The following HGS variants were observed in gnomAD, a reference collection of about 807,000 sequenced individuals.
The protein encoded by HGS is human growth factor-regulated tyrosine kinase substrate.
A neutral mutation model predicts 109.7 loss-of-function variants in HGS; 63 were observed. That is an observed-to-expected ratio of 0.57 (90% CI 0.47 to 0.71). The LOEUF (loss-of-function observed/expected upper bound fraction) is 0.71, where lower values mean the gene tolerates loss of function less well. Among genes scored for constraint, HGS ranks in the 30% least tolerant of loss-of-function variants. The pLI, the probability that HGS is intolerant of heterozygous loss-of-function variation, is 0.00. For missense variants in HGS, 995 were observed against 1,068.3 expected (o/e 0.93, Z 0.96); for synonymous variants, 546 against 437.3 (o/e 1.25, Z -3.10).
At chr17:81,692,329 G>C (rs1383367148) in intron 8 of HGS, 1 of 152,266 alleles carries the variant, frequency 6.6e-6, no homozygotes. Flanking sequence ...ATTTCTGGGA[G>C]GTCAGGCCGT....
Position 81,695,780 on chromosome 17 carries a change from C to G in HGS, c.1180-6C>G, listed in dbSNP as rs201943246. On this transcript the variant is annotated splice_polypyrimidine_tract_variant and splice_region_variant and intron_variant, in intron 14 of 21. Transcript: ENST00000329138. ...GCACTCATCCAGAACCCTGCTCTGC[C>G]TGCAGCCACAGTTCCACAATGGCGA... The G allele has an allele frequency of 2.7e-5, 44 of 1,613,150 alleles. 1 individual carries two copies. The highest frequency in any genetic ancestry group is 1.8e-4 in the South Asian group (16 of 91,078).
intron 18 of HGS, among the ~76,000 whole-genome samples, chr17:81,698,868 A>C (rs1003376326): frequency 1.2e-4 from 18 of 152,172 alleles, no homozygotes; most frequent in African/African-American, 4.1e-4. Flanking sequence ...CAGGAGTTGG[A>C]GACTGGCCTG....
chr17:81,693,509 G>A lies in HGS; in HGVS notation c.669G>A (p.Ala223=), dbSNP rs145996243. 134 of 1,612,804 alleles carry A rather than the reference G, an allele frequency of 8.3e-5. No homozygotes were observed. In the African/African-American group the frequency reaches 1.5e-3, roughly 18 times the overall value. The change falls in exon 9 of 22, where the codon GCG becomes GCA. Residue 223 remains alanine (A), a synonymous_variant. Coordinates refer to ENST00000329138, the MANE Select transcript of HGS (RefSeq NM_004712.5). ...GCATTCCTTGTGCCCACAGGAAAGC[G>A]GAGGGAAAGGCCACTTCCACCACTG... ...EPCYEQLNRK[A]EGKATSTTEL...
Position 81,688,661 on chromosome 17 carries a change from C to T in HGS, c.292-43C>T, listed in dbSNP as rs61156089. On this transcript the variant is annotated intron_variant, in intron 4 of 21. Coordinates refer to ENST00000329138, the MANE Select transcript of HGS (RefSeq NM_004712.5). Reference sequence around the variant, plus strand: ...TTCCTCACACCGAGGCCTCTGGCGCCTGGAGTGTCCTGCGACCCTCACCCC... The same window carrying T: ...TTCCTCACACCGAGGCCTCTGGCGCTTGGAGTGTCCTGCGACCCTCACCCC... The T allele has an allele frequency of 1.2e-4, 193 of 1,609,502 alleles. No homozygotes were observed. The African/African-American group carries it at 2.2e-3, about 18-fold the overall frequency.
chr17:81,699,135 T>C (rs77634210), intron 18 of HGS, among the ~76,000 whole-genome samples: 2,704 of 152,316 alleles, frequency 0.018, 30 homozygotes, highest in Non-Finnish European at 0.024. Flanking sequence ...ACAGTTTTCT[T>C]TTGCATTGTT....
chr17:81,687,696 G>T (rs138673719), intron 4 of HGS, among the ~76,000 whole-genome samples: 1 of 152,244 alleles, frequency 6.6e-6, no homozygotes, highest in East Asian at 1.9e-4. Flanking sequence ...CTGTGATGTG[G>T]ACTGTGATGC....
chr17:81,701,867 C>T lies in HGS; in HGVS notation c.*249C>T, dbSNP rs7189. 54,537 of 477,658 alleles carry T rather than the reference C, an allele frequency of 0.11. 3,548 individuals are homozygous for T. The highest frequency in any genetic ancestry group is 0.14 in the Middle Eastern group (336 of 2,336). The allele number at this position is 477,658 out of a possible 1,614,324, so 29.6% of individuals were successfully genotyped here. A position where few individuals can be genotyped will look rare whatever the true frequency, so the allele number is the denominator to read the frequency against. ...GAAGGACTTTCTCCCAGGGGAAGCC[C>T]CCAGCCCTGTGGGTCATGGTCTGTG... On this transcript the variant is annotated 3_prime_UTR_variant, in exon 22 of 22. Coordinates refer to ENST00000329138, the MANE Select transcript of HGS (RefSeq NM_004712.5).
At chr17:81,689,812 C>T (rs1158162086) in intron 5 of HGS, among the ~76,000 whole-genome samples, 3 of 152,192 alleles carry the variant, frequency 2.0e-5, no homozygotes, top group African/African-American at 7.2e-5. Flanking sequence ...TGGATTTTTT[C>T]TGGGGTCGTG....
chr17:81,685,023 C>T (rs555288159), intron 1 of HGS: 28 of 985,380 alleles, frequency 2.8e-5, no homozygotes, highest in Admixed American at 6.1e-5. Context: ...GCTGCCCCCC[C>T]AGAGGGGCCA....
chr17:81,693,474 G>C (rs777006312), intron 8 of HGS, 29 bp from the exon 9 acceptor site: 1 of 1,583,544 alleles, frequency 6.3e-7, no homozygotes, highest in Admixed American at 1.7e-5. Flanking sequence ...TCAGCGCATG[G>C]TGACCTGCAG....
Position 81,691,695 on chromosome 17 carries a change from G to A in HGS, c.662+124G>A. The stretch of plus-strand genomic sequence containing the variant: ...AGAGGACCCTCACAGCACAGCAGCT[G>A]GAAGGTCAAGGGAAACCCAGGGTGG... On this transcript the variant is annotated intron_variant, in intron 8 of 21. Coordinates refer to ENST00000329138, the MANE Select transcript of HGS (RefSeq NM_004712.5). The surrounding 1 kb of genome is among the most constrained non-coding windows in gnomAD (Gnocchi z 5.3). 7.7e-7 allele frequency: 1 copy of A among 1,297,838 alleles called. No homozygotes were observed. The highest frequency in any genetic ancestry group is 1.1e-6 in the Non-Finnish European group (1 of 924,882). 80.4% of individuals were successfully genotyped at this position (1,297,838 alleles called of 1,614,324 possible). A position where few individuals can be genotyped will look rare whatever the true frequency, so the allele number is the denominator to read the frequency against.
In HGS at chr17:81,696,729, C is replaced by A. The variant is rs1177388501; in HGVS notation, c.1689C>A (p.Phe563Leu). Residue 563 changes from phenylalanine (F) to leucine (L), a missense_variant, in exon 17 of 22, where the codon TTC (phenylalanine) becomes TTA (leucine). Coordinates refer to ENST00000329138, the MANE Select transcript of HGS (RefSeq NM_004712.5). Reference protein sequence around the residue: ...TVQMRAQMPAFPLPYAQLQAM... With the variant: ...TVQMRAQMPALPLPYAQLQAM... ...AGATGCGCGCGCAGATGCCCGCCTT[C>A]CCCCTGCCCTACGCCCAGGCATGTG... 6.2e-7 allele frequency: 1 copy of A among 1,607,138 alleles called. No homozygotes were observed. The highest frequency in any genetic ancestry group is 1.3e-5 in the African/African-American group (1 of 74,870).
chr17:81,693,399 CTG>C, intron 8 of HGS, 102 bp from the exon 9 acceptor site: 1 of 821,922 alleles, frequency 1.2e-6, no homozygotes, highest in East Asian at 2.4e-5. Flanking sequence ...TGTCCTCACT[CTG>C]TGGGGACACT....
intron 1 of HGS, 62 bp downstream of exon 1, chr17:81,684,165 G>C (rs2036930572): frequency 2.1e-6 from 3 of 1,397,808 alleles, no homozygotes; most frequent in Non-Finnish European, 2.8e-6. Context: ...CCGGCGCTGA[G>C]TCAGCGCGGC....
In HGS at chr17:81,694,863, A is replaced by G. The variant is rs1310992033; in HGVS notation, c.975+10A>G. 6.2e-7 allele frequency: 1 copy of G among 1,614,228 alleles called. No individual in the cohort carries two copies. On this transcript the variant is annotated intron_variant, in intron 12 of 21. Transcript: ENST00000329138. The stretch of plus-strand genomic sequence containing the variant: ...GGACATCGACCCTGAGGTAAGGCCC[A>G]GCATGGGGTGCATCCTCTCACGGTT...
rs755988701 is a variant in HGS, at chr17:81,693,936, C to T, written c.907C>T (p.Pro303Ser). 1.6e-4 allele frequency: 265 copies of T among 1,611,348 alleles called. No homozygotes were observed. Among genetic ancestry groups the T allele is most frequent in the Non-Finnish European group, 2.2e-4 (258 of 1,179,762 alleles). The change falls in exon 11 of 22, where the codon CCC (proline) becomes TCC (serine). Residue 303 changes from proline (P) to serine (S), a missense_variant. By Grantham distance (74) the Pro-to-Ser change is moderately conservative (BLOSUM62 -1). Coordinates refer to ENST00000329138, the MANE Select transcript of HGS (RefSeq NM_004712.5). ...EPMPSASSAP[P>S]ASSLYSSPVN... ...CATGCCCTCGGCCTCCTCAGCGCCC[C>T]CCGCCAGCAGCCTGTACTCTTCACC...
At chr17:81,688,199 TGC>T (rs1349657910) in intron 4 of HGS, among the ~76,000 whole-genome samples, 1 of 151,368 alleles carries the variant, frequency 6.6e-6, no homozygotes, top group Non-Finnish European at 1.5e-5. Flanking sequence ...GAGGCCAGGC[TGC>T]GCTCTAACCG....
At chr17:81,689,032 G>A (rs1055498304) in intron 5 of HGS, among the ~76,000 whole-genome samples, 2 of 152,260 alleles carry the variant, frequency 1.3e-5, no homozygotes, top group African/African-American at 2.4e-5. Flanking sequence ...ACGGCCCACG[G>A]GCAGGGGCAG....
intron 5 of HGS, among the ~76,000 whole-genome samples, chr17:81,689,128 G>C (rs1310163422): frequency 6.6e-6 from 1 of 152,228 alleles, no homozygotes; most frequent in East Asian, 1.9e-4. Context: ...GGGTTGGGCT[G>C]TGCAGTCAGG....
Sources: allele counts gnomAD v4.1 joint callset (sites outside exome capture counted in the v4.1 genomes callset), GRCh38; gene constraint gnomAD v4.1.1; non-coding constraint Gnocchi (gnomAD v3.1); transcripts MANE v1.5; gene names NCBI Gene and HGNC (gene_info 2026-07-23, HGNC 2026-07-21).